SH3RF1: variants seen among roughly 807,000 people sequenced by gnomAD.
SH3RF1 encodes E3 ubiquitin-protein ligase SH3RF1.
Under a neutral mutation model 74.0 loss-of-function variants are expected in SH3RF1, and 32 were observed. The observed-to-expected ratio is 0.43, with a 90% CI of 0.33 to 0.58. The LOEUF is 0.58. Ranked by LOEUF, SH3RF1 falls within the 20% of genes least tolerant of loss-of-function variation. SH3RF1 has a pLI of 0.05. For synonymous variants in SH3RF1, 396 were observed against 439.6 expected (o/e 0.90, Z 1.24); for missense variants, 954 against 1,130.9 (o/e 0.84, Z 2.24).
chr4:169,165,577 T>C (rs537413611), intron 2 of SH3RF1, among the ~76,000 whole-genome samples: 2 of 151,608 alleles, frequency 1.3e-5, no homozygotes, highest in African/African-American at 4.8e-5. Flanking sequence ...TAGTCCAATA[T>C]TGTGCCACTG....
At chr4:169,230,290 C>A (rs1730715012) in intron 2 of SH3RF1, among the ~76,000 whole-genome samples, 1 of 152,162 alleles carries the variant, frequency 6.6e-6, no homozygotes, top group Non-Finnish European at 1.5e-5. Flanking sequence ...TATAAAGAAT[C>A]CAAATGTATC....
At chr4:169,165,723 A>G (rs1734230907) in intron 2 of SH3RF1, among the ~76,000 whole-genome samples, 1 of 152,136 alleles carries the variant, frequency 6.6e-6, no homozygotes, top group Non-Finnish European at 1.5e-5. Context: ...CCTTGGAGAG[A>G]GGATGCTCAT....
intron 11 of SH3RF1, among the ~76,000 whole-genome samples, chr4:169,099,046 G>T (rs1473394615): frequency 1.3e-5 from 2 of 152,090 alleles, no homozygotes; most frequent in African/African-American, 4.8e-5. Context: ...TCCTGAAAAT[G>T]AGATTTGACA....
intron 5 of SH3RF1, among the ~76,000 whole-genome samples, chr4:169,132,884 A>G (rs1484696790): frequency 3.9e-5 from 6 of 152,234 alleles, no homozygotes. Context: ...CACTCATGTC[A>G]CAGTCACAGA....
At chr4:169,222,253 C>T (rs935640713) in intron 2 of SH3RF1, among the ~76,000 whole-genome samples, 1 of 152,054 alleles carries the variant, frequency 6.6e-6, no homozygotes, top group Admixed American at 6.6e-5. Context: ...CACTTGAGAT[C>T]GGGAGTTGGA....
intron 2 of SH3RF1, among the ~76,000 whole-genome samples, chr4:169,179,297 A>G (rs990801824): frequency 1.3e-5 from 2 of 152,216 alleles, no homozygotes; most frequent in Non-Finnish European, 2.9e-5. Context: ...GTAAATAAGG[A>G]AACATTTTGT....
At chr4:169,156,379 G>A in intron 3 of SH3RF1, 25 bp downstream of exon 3, 2 of 1,531,948 alleles carry the variant, frequency 1.3e-6, no homozygotes, top group Non-Finnish European at 1.8e-6. Context: ...CTGGCAAACA[G>A]AAAACAAGCA....
chr4:169,193,665 T>C (rs1734764438), intron 2 of SH3RF1, among the ~76,000 whole-genome samples: 1 of 152,152 alleles, frequency 6.6e-6, no homozygotes, highest in African/African-American at 2.4e-5. Context: ...AGGGAACACA[T>C]CACTCACTAT....
chr4:169,208,110 G>A (rs947976239), intron 2 of SH3RF1, among the ~76,000 whole-genome samples: 3 of 151,564 alleles, frequency 2.0e-5, no homozygotes, highest in Non-Finnish European at 4.4e-5. Context: ...ACGTGGAAAC[G>A]TAAAGATTGA....
At chr4:169,116,216 G>GA (rs1207526263) in intron 10 of SH3RF1, 53 bp downstream of exon 10, 58 of 1,537,000 alleles carry the variant, frequency 3.8e-5, no homozygotes, top group Non-Finnish European at 4.7e-5. Flanking sequence ...AACATAAGAA[G>GA]AAAAACAGGG....
intron 2 of SH3RF1, among the ~76,000 whole-genome samples, chr4:169,256,092 T>C (rs771466380): frequency 6.6e-6 from 1 of 152,210 alleles, no homozygotes; most frequent in Non-Finnish European, 1.5e-5. Context: ...AAATTAGGAC[T>C]GCACTACAAA....
rs139296355 is a variant in SH3RF1 at position 169,117,779 on chromosome 4, C to T, written c.1521G>A (p.Ala507=). The change falls in exon 9 of 12, where the codon GCG becomes GCA. Residue 507 remains alanine (A), a synonymous_variant. Coordinates refer to ENST00000284637, the MANE Select transcript of SH3RF1 (RefSeq NM_020870.4). The part of the protein sequence containing the change: ...PGNYVAPVTR[A]VTNASQAKVP... ...CTTTAGCTTGGGAAGCATTTGTCACCGCCCTGCCAAGACACAAACATAGAT... is the reference window on the plus strand; with the variant it reads ...CTTTAGCTTGGGAAGCATTTGTCACTGCCCTGCCAAGACACAAACATAGAT... 57 of 1,607,390 alleles carry T rather than the reference C, an allele frequency of 3.5e-5. No homozygotes were observed. The East Asian group carries it at 6.0e-4, about 17-fold the overall frequency.
chr4:169,192,285 G>GA (rs990100567), intron 2 of SH3RF1, among the ~76,000 whole-genome samples: 7 of 151,274 alleles, frequency 4.6e-5, no homozygotes, highest in African/African-American at 1.7e-4. Flanking sequence ...ACAAACATAT[G>GA]AAAAAAATGC....
At chr4:169,261,414 G>A (rs564076037) in intron 2 of SH3RF1, among the ~76,000 whole-genome samples, 1 of 152,258 alleles carries the variant, frequency 6.6e-6, no homozygotes, top group South Asian at 2.1e-4. Flanking sequence ...GCAACATGAG[G>A]TCCCAGGGAA....
chr4:169,141,965 A>G (rs555682862), intron 4 of SH3RF1, among the ~76,000 whole-genome samples: 1 of 151,912 alleles, frequency 6.6e-6, no homozygotes, highest in African/African-American at 2.4e-5. Flanking sequence ...GGTGCCTGCC[A>G]CTACACCTGG....
chr4:169,100,590 T>C (rs911331841), intron 11 of SH3RF1, among the ~76,000 whole-genome samples: 5 of 152,166 alleles, frequency 3.3e-5, no homozygotes, highest in Non-Finnish European at 7.4e-5. Context: ...TCCACCCACC[T>C]TGGCCTCCTT....
At chr4:169,219,701 A>G (rs1730530851) in intron 2 of SH3RF1, among the ~76,000 whole-genome samples, 1 of 152,176 alleles carries the variant, frequency 6.6e-6, no homozygotes, top group African/African-American at 2.4e-5. Context: ...AAAGAACTCA[A>G]ACTCAAGAAC....
In SH3RF1 at chr4:169,156,384, C is replaced by A; in HGVS notation, c.669+20G>T. The A allele has an allele frequency of 1.3e-6, 2 of 1,535,442 alleles. No homozygotes were observed. The highest frequency in any genetic ancestry group is 1.8e-6 in the Non-Finnish European group (2 of 1,138,488). ...AGAGGTAGAGCTGGCAAACAGAAAACAAGCACATTCTACCTTTACCTTTGC... is the reference window on the plus strand; with the variant it reads ...AGAGGTAGAGCTGGCAAACAGAAAAAAAGCACATTCTACCTTTACCTTTGC... On this transcript the variant is annotated intron_variant, in intron 3 of 11. Transcript: ENST00000284637.
chr4:169,160,771 A>G (rs540556467), intron 2 of SH3RF1, among the ~76,000 whole-genome samples: 4 of 152,362 alleles, frequency 2.6e-5, no homozygotes, highest in African/African-American at 9.6e-5. Context: ...TGAAAGACTT[A>G]TTCCCACACA....
Sources: gnomAD v4.1 joint callset for allele counts (sites outside exome capture counted in the v4.1 genomes callset) on GRCh38, gnomAD v4.1.1 for gene constraint, MANE v1.5 for transcripts, NCBI Gene and HGNC (gene_info 2026-07-23, HGNC 2026-07-21) for gene names.